ANKS1B: variants seen among roughly 807,000 people sequenced by gnomAD.
The protein encoded by ANKS1B is ankyrin repeat and sterile alpha motif domain-containing protein 1B.
Under a neutral mutation model 148.3 loss-of-function variants are expected in ANKS1B, and 36 were observed. The ratio of observed to expected loss-of-function variants is 0.24; its 90% CI spans 0.19 to 0.32. The LOEUF is 0.32. Ranked by LOEUF, ANKS1B falls within the 10% of genes least tolerant of loss-of-function variation. The pLI, the probability that ANKS1B is intolerant of heterozygous loss-of-function variation, is 1.00. For synonymous variants in ANKS1B, 542 were observed against 560.8 expected (o/e 0.97, Z 0.47); for missense variants, 1,157 against 1,542.6 (o/e 0.75, Z 4.19).
At chr12:99,838,620 CATA>C (rs1321709702) in intron 1 of ANKS1B, among the ~76,000 whole-genome samples, 3 of 152,032 alleles carry the variant, frequency 2.0e-5, no homozygotes, top group African/African-American at 7.2e-5. Context: ...TTTGCCTGGC[CATA>C]ATGTTTACTA....
At chr12:99,315,711 T>C (rs986333349) in intron 12 of ANKS1B, among the ~76,000 whole-genome samples, 1 of 152,178 alleles carries the variant, frequency 6.6e-6, no homozygotes, top group African/African-American at 2.4e-5. Flanking sequence ...AGGGTACATG[T>C]GCACAACGTG....
intron 14 of ANKS1B, among the ~76,000 whole-genome samples, chr12:99,221,116 G>A (rs186635981): frequency 3.4e-4 from 52 of 152,122 alleles, no homozygotes; most frequent in African/African-American, 1.1e-3. Flanking sequence ...GAGGTGGGCA[G>A]ATCACGAGGT....
At chr12:99,312,962 C>CA (rs1271469332) in intron 12 of ANKS1B, among the ~76,000 whole-genome samples, 3 of 151,774 alleles carry the variant, frequency 2.0e-5, no homozygotes, top group Non-Finnish European at 4.4e-5. Context: ...AAAAACCCTC[C>CA]AAAAAATCAA....
chr12:99,597,455 T>C (rs560274760), intron 9 of ANKS1B, among the ~76,000 whole-genome samples: 1 of 152,196 alleles, frequency 6.6e-6, no homozygotes, highest in East Asian at 1.9e-4. Flanking sequence ...ATTTCCTCCA[T>C]GTACTTCTGA....
intron 17 of ANKS1B, among the ~76,000 whole-genome samples, chr12:99,021,859 G>A (rs564495697): frequency 4.6e-5 from 7 of 152,256 alleles, no homozygotes; most frequent in Admixed American, 3.3e-4. Flanking sequence ...TAAATAGTAC[G>A]AAATAATCTC....
intron 10 of ANKS1B, among the ~76,000 whole-genome samples, chr12:99,484,372 C>T (rs186401947): frequency 5.3e-5 from 8 of 151,810 alleles, no homozygotes; most frequent in African/African-American, 1.2e-4. Context: ...CTTATGATTT[C>T]GATTTTTAAA....
chr12:99,348,423 TAATAA>T (rs1050652695), intron 12 of ANKS1B, among the ~76,000 whole-genome samples: 2 of 151,184 alleles, frequency 1.3e-5, no homozygotes, highest in African/African-American at 4.8e-5. Context: ...AATGCAAATT[TAATAA>T]AAGAAATAAA....
chr12:99,731,308 G>A (rs533934940), intron 8 of ANKS1B, among the ~76,000 whole-genome samples: 4 of 152,106 alleles, frequency 2.6e-5, no homozygotes, highest in East Asian at 1.9e-4. Context: ...TAGTAGAGAC[G>A]GGGTTTCACC....
chr12:98,949,109 C>T (rs372938772), intron 17 of ANKS1B, among the ~76,000 whole-genome samples: 1 of 151,814 alleles, frequency 6.6e-6, no homozygotes, highest in Non-Finnish European at 1.5e-5. Flanking sequence ...CGTGCCAACA[C>T]ACCCAGCTAA....
chr12:99,977,797 C>A (rs149493539), intron 1 of ANKS1B, among the ~76,000 whole-genome samples: 26 of 152,272 alleles, frequency 1.7e-4, no homozygotes, highest in African/African-American at 5.8e-4. Flanking sequence ...AAGATAGAAG[C>A]GTCTTCTTTG....
chr12:99,977,059 C>T (rs2095638274), intron 1 of ANKS1B, among the ~76,000 whole-genome samples: 1 of 152,142 alleles, frequency 6.6e-6, no homozygotes, highest in South Asian at 2.1e-4. Context: ...CCCATGACAC[C>T]TAACCCACTC....
At chr12:99,125,391 G>A (rs143602941) in intron 15 of ANKS1B, among the ~76,000 whole-genome samples, 67 of 152,170 alleles carry the variant, frequency 4.4e-4, no homozygotes, top group Admixed American at 1.6e-3. Context: ...AATAATTCAC[G>A]TTCAATGCAG....
chr12:99,353,880 G>A (rs1308208256), intron 12 of ANKS1B, among the ~76,000 whole-genome samples: 1 of 151,918 alleles, frequency 6.6e-6, no homozygotes, highest in African/African-American at 2.4e-5. Context: ...CTATCACTTT[G>A]AGCATTTATT....
rs553364657 is a variant in ANKS1B at position 99,652,620 on chromosome 12, AAT to A, written c.1272+2445_1272+2446del. Reference sequence around the variant, plus strand: ...TTAATGCAGTAAAAATTAAAATCCCAATAGAGATACTTTTTAAACTCAACATA... The same window carrying A: ...TTAATGCAGTAAAAATTAAAATCCCAAGAGATACTTTTTAAACTCAACATA... On this transcript the variant is annotated intron_variant, in intron 9 of 26. Transcript: ENST00000683438. Among the ~76,000 whole-genome samples the A allele has an allele frequency of 3.4e-3, 524 of 152,286 alleles. 5 individuals are homozygous for A. Among genetic ancestry groups the A allele is most frequent in the Admixed American group, 3.9e-3 (59 of 15,298 alleles).
intron 17 of ANKS1B, among the ~76,000 whole-genome samples, chr12:98,923,571 C>T (rs1229598583): frequency 6.6e-6 from 1 of 152,176 alleles, no homozygotes; most frequent in South Asian, 2.1e-4. Context: ...GGAAAAAAAT[C>T]CATCCTAGTT....
At chr12:99,620,443 A>G (rs1180877398) in intron 9 of ANKS1B, among the ~76,000 whole-genome samples, 1 of 152,224 alleles carries the variant, frequency 6.6e-6, no homozygotes, top group East Asian at 1.9e-4. Flanking sequence ...AAGAAGCTCA[A>G]CAAAATCCAA....
intron 1 of ANKS1B, among the ~76,000 whole-genome samples, chr12:99,864,452 T>C (rs2090471772): frequency 6.6e-6 from 1 of 152,202 alleles, no homozygotes; most frequent in Non-Finnish European, 1.5e-5. Flanking sequence ...GACTACATAT[T>C]ATTAAGTGAA....
At chr12:99,543,472 A>G (rs183209710) in intron 9 of ANKS1B, among the ~76,000 whole-genome samples, 39 of 152,268 alleles carry the variant, frequency 2.6e-4, no homozygotes, top group Admixed American at 2.0e-3. Context: ...ACCTCTAGTT[A>G]TATATAACAA....
chr12:99,465,531 C>T (rs376467698), intron 10 of ANKS1B, among the ~76,000 whole-genome samples: 15 of 151,854 alleles, frequency 9.9e-5, no homozygotes, highest in African/African-American at 3.6e-4. Context: ...CATCAGTGTG[C>T]TGTATTCAGG....
Sources: gnomAD v4.1 joint callset for allele counts (sites outside exome capture counted in the v4.1 genomes callset) on GRCh38, gnomAD v4.1.1 for gene constraint, MANE v1.5 for transcripts, NCBI Gene and HGNC (gene_info 2026-07-23, HGNC 2026-07-21) for gene names.